Variants in HERC2 observed in about 807,000 individuals in gnomAD.
HERC2 encodes HECT and RLD domain containing E3 ubiquitin protein ligase 2, also known as E3 ubiquitin-protein ligase HERC2.
A neutral mutation model predicts 537.7 loss-of-function variants in HERC2; 102 were observed. The observed-to-expected ratio is 0.19, with a 90% CI of 0.16 to 0.22. The LOEUF is 0.22. Ranked by LOEUF, HERC2 falls within the 10% of genes least tolerant of loss-of-function variation. The pLI is 1.00. For missense variants in HERC2, 4,236 were observed against 6,198.2 expected (o/e 0.68, Z 10.63); for synonymous variants, 2,224 against 2,466.2 (o/e 0.90, Z 2.91).
At chr15:28,184,003 C>A (rs534792925) in intron 56 of HERC2, among the ~76,000 whole-genome samples, 8 of 152,102 alleles carry the variant, frequency 5.3e-5, no homozygotes, top group Admixed American at 1.3e-4. Context: ...GCCTGGGCAA[C>A]ACGGTGAAAC....
intron 65 of HERC2, among the ~76,000 whole-genome samples, chr15:28,170,421 A>G (rs1163611060): frequency 6.6e-6 from 1 of 152,232 alleles, no homozygotes; most frequent in African/African-American, 2.4e-5. Context: ...GAGGCAGGAC[A>G]GCCTTTCGGC....
chr15:28,166,079 A>C (rs1049886273), intron 68 of HERC2, among the ~76,000 whole-genome samples: 1 of 152,216 alleles, frequency 6.6e-6, no homozygotes, highest in African/African-American at 2.4e-5. Context: ...AGAACACATA[A>C]AATTCTACCA....
intron 79 of HERC2, among the ~76,000 whole-genome samples, chr15:28,134,218 A>G (rs1421426983): frequency 6.6e-6 from 1 of 152,158 alleles, no homozygotes; most frequent in African/African-American, 2.4e-5. Context: ...TAGTTTTTCA[A>G]TTCTGGGAGA....
At chr15:28,290,363 A>G (rs533572137) in intron 4 of HERC2, among the ~76,000 whole-genome samples, 72 of 152,084 alleles carry the variant, frequency 4.7e-4, no homozygotes, top group African/African-American at 1.3e-3. Flanking sequence ...GGGTGCAATC[A>G]AGATTACAGG....
intron 69 of HERC2, among the ~76,000 whole-genome samples, chr15:28,158,040 G>A (rs531242032): frequency 1.5e-4 from 23 of 152,276 alleles, no homozygotes; most frequent in African/African-American, 5.3e-4. Context: ...ATGTAGTTGA[G>A]CAGTTTTGAG....
At chr15:28,225,119 G>A (rs1221627836) in intron 35 of HERC2, among the ~76,000 whole-genome samples, 1 of 152,202 alleles carries the variant, frequency 6.6e-6, no homozygotes, top group Admixed American at 6.5e-5. Flanking sequence ...CAGGTGTGGT[G>A]CCTCACACCT....
At chr15:28,112,076 G>A in intron 92 of HERC2, 41 bp from the exon 93 acceptor site, 1 of 1,593,686 alleles carries the variant, frequency 6.3e-7, no homozygotes, top group Non-Finnish European at 8.6e-7. Flanking sequence ...ATTGAGTACG[G>A]CTGCAGTTTA....
At chr15:28,117,458 G>A (rs1284953558) in intron 86 of HERC2, 1 of 653,184 alleles carries the variant, frequency 1.5e-6, no homozygotes, top group Admixed American at 2.1e-5. Context: ...CACGTCCACA[G>A]CTGCGGCCCG....
intron 85 of HERC2, among the ~76,000 whole-genome samples, chr15:28,123,579 C>G (rs1280012435): frequency 1.3e-5 from 2 of 152,224 alleles, no homozygotes; most frequent in African/African-American, 4.8e-5. Flanking sequence ...AATCTCTACA[C>G]ATTCAGGCAC....
chr15:28,192,375 C>T (rs904605797), intron 52 of HERC2, among the ~76,000 whole-genome samples: 2 of 152,126 alleles, frequency 1.3e-5, no homozygotes, highest in Admixed American at 6.5e-5. Context: ...TAAAACCTCC[C>T]AGGGAACAAC....
chr15:28,135,831 TAA>T (rs1890577300), intron 78 of HERC2, 139 bp from the exon 79 acceptor site: 2 of 652,134 alleles, frequency 3.1e-6, no homozygotes, highest in Non-Finnish European at 5.3e-6. Flanking sequence ...CTCAGGAATA[TAA>T]GTTTATGCCT....
chr15:28,313,079 A>AT (rs1197485701), intron 2 of HERC2, among the ~76,000 whole-genome samples: 8 of 151,918 alleles, frequency 5.3e-5, no homozygotes, highest in Admixed American at 5.3e-4. Context: ...CACCAACACC[A>AT]TAACATGCAC....
intron 26 of HERC2, among the ~76,000 whole-genome samples, chr15:28,235,686 C>G (rs1902358189): frequency 1.3e-5 from 2 of 152,198 alleles, no homozygotes; most frequent in South Asian, 4.1e-4. Flanking sequence ...CTCCCAAAAC[C>G]ACGTATGAAC....
chr15:28,316,702 C>T (rs2077096162), intron 2 of HERC2, among the ~76,000 whole-genome samples: 1 of 152,216 alleles, frequency 6.6e-6, no homozygotes, highest in Non-Finnish European at 1.5e-5. Context: ...TGTCATCTAT[C>T]AACTGGATTA....
At chr15:28,165,402 A>G (rs1048868233) in intron 68 of HERC2, among the ~76,000 whole-genome samples, 3 of 152,210 alleles carry the variant, frequency 2.0e-5, no homozygotes, top group African/African-American at 7.2e-5. Flanking sequence ...ATAAATACAG[A>G]AAGGGTGAAA....
rs1285344801 is a variant in HERC2, at chr15:28,131,749, C to CTG, written c.12570+350_12570+351insCA. ...CCCCCAAGCGCGTGCCGTGGCAACT[C>CTG]CACACCACTGTAAACTGAGAGAGTG... On this transcript the variant is annotated intron_variant, in intron 81 of 92. Transcript: ENST00000261609. 5.3e-5 allele frequency among the ~76,000 whole-genome samples: 8 copies of CTG among 152,242 alleles called. No individual in the cohort carries two copies. In the East Asian group the frequency reaches 1.6e-3, roughly 30 times the overall value.
chr15:28,196,998 C>T (rs1415680860), intron 50 of HERC2, among the ~76,000 whole-genome samples: 5 of 152,334 alleles, frequency 3.3e-5, no homozygotes, highest in Admixed American at 6.5e-5. Context: ...ATAAGAGCAA[C>T]GTGTCACTCA....
At position 28,135,447 on chromosome 15, in the gene HERC2, A is replaced by G. The variant is rs368334109; in HGVS notation, c.12230+31T>C. On this transcript the variant is annotated intron_variant, in intron 79 of 92. Coordinates refer to ENST00000261609, the MANE Select transcript of HERC2 (RefSeq NM_004667.6). ...AAAACAAACAAAAACAAAGACAAAT[A>G]GAATGTTGAAATAATTTTTTCACAT... 19 of 1,539,534 alleles carry G rather than the reference A, an allele frequency of 1.2e-5. 1 individual carries two copies. In the African/African-American group the frequency reaches 1.8e-4, roughly 14 times the overall value.
At chr15:28,199,216 G>A (rs548858046) in intron 48 of HERC2, among the ~76,000 whole-genome samples, 11 of 152,224 alleles carry the variant, frequency 7.2e-5, no homozygotes, top group Admixed American at 6.5e-4. Flanking sequence ...AAAGGGAAGA[G>A]AAACTCTTTA....
Sources: gnomAD v4.1 joint callset for allele counts (sites outside exome capture counted in the v4.1 genomes callset) on GRCh38, gnomAD v4.1.1 for gene constraint, MANE v1.5 for transcripts, NCBI Gene and HGNC (gene_info 2026-07-23, HGNC 2026-07-21) for gene names.